The following ZP3 variants were observed in gnomAD, a reference collection of about 807,000 sequenced individuals.
ZP3 encodes the protein zona pellucida glycoprotein 3, also known as zona pellucida sperm-binding protein 3.
In ZP3, 21 loss-of-function variants were observed where a neutral mutation model predicts 35.6. The ratio of observed to expected loss-of-function variants is 0.59; its 90% CI spans 0.42 to 0.85. The LOEUF (loss-of-function observed/expected upper bound fraction) is 0.85. ZP3 is among the 40% of genes least tolerant of loss of function. The pLI, the probability that ZP3 is intolerant of heterozygous loss-of-function variation, is 0.00. For synonymous variants in ZP3, 207 were observed against 214.5 expected, an observed-to-expected ratio of 0.96 and a Z score of 0.31; for missense variants, 437 against 536.5, an observed-to-expected ratio of 0.81 and a Z score of 1.83.
At chr7:76,428,223 G>A (rs1043863908) in intron 1 of ZP3, among the ~76,000 whole-genome samples, 2 of 151,850 alleles carry the variant, frequency 1.3e-5, no homozygotes, top group Non-Finnish European at 2.9e-5. Context: ...CTCAGAGGCT[G>A]AAGCAGAGAA....
Position 76,414,398 on chromosome 7 carries a change from A to C in ZP3, c.-66-10654A>C, listed in dbSNP as rs117220358. 5.2e-3 allele frequency among the ~76,000 whole-genome samples: 795 copies of C among 152,226 alleles called. 6 individuals carry two copies. The highest frequency in any genetic ancestry group is 0.01 in the Middle Eastern group (3 of 292). ...ATTCTGACAAGTGGTTTTTCCTGAC[A>C]TGAGAAGCTGCAGGTGCCTAGGCGG... On this transcript the variant is annotated intron_variant, in intron 1 of 8. Transcript: ENST00000336517.
chr7:76,423,029 A>AGAGGGAGAGAGAGAGAGAGAGAGAGAGAG (rs767704641), upstream of ZP3, among the ~76,000 whole-genome samples: 1 of 55,534 alleles, frequency 1.8e-5, no homozygotes, highest in African/African-American at 7.2e-5. Flanking sequence ...GAGAGAGAGA[A>AGAGGGAGAGAGAGAGAGAGAGAGAGAGAG]AGAAAGAAAG....
At chr7:76,423,025 G>GAGAGAGAGAAAGAA (rs1278384225), upstream of ZP3, among the ~76,000 whole-genome samples, 712 of 75,700 alleles carry the variant, frequency 9.4e-3, 8 homozygotes, top group African/African-American at 0.013. Flanking sequence ...GAGAGAGAGA[G>GAGAGAGAGAAAGAA]AGAAAGAAAG....
At chr7:76,406,945 T>A (rs1805054163) in intron 1 of ZP3, among the ~76,000 whole-genome samples, 1 of 151,886 alleles carries the variant, frequency 6.6e-6, no homozygotes, top group Non-Finnish European at 1.5e-5. Context: ...ACATTTCTTC[T>A]GATTTAAATT....
intron 1 of ZP3, among the ~76,000 whole-genome samples, chr7:76,426,193 G>A (rs887198140): frequency 2.0e-5 from 3 of 152,130 alleles, no homozygotes; most frequent in Non-Finnish European, 4.4e-5. Context: ...CAGCTCCAAG[G>A]GGGAGAGGCT....
chr7:76,437,791 GC>G (rs1806069040), intron 5 of ZP3, among the ~76,000 whole-genome samples: 1 of 151,696 alleles, frequency 6.6e-6, no homozygotes, highest in Non-Finnish European at 1.5e-5. Flanking sequence ...GAGCCACCAC[GC>G]CCAGCCTAGA....
chr7:76,404,488 A>T (rs11773653), intron 1 of ZP3: 309,988 of 1,612,872 alleles, frequency 0.19, 31,980 homozygotes, highest in Middle Eastern at 0.24. Flanking sequence ...CGCCAGGGAG[A>T]AGTCACAGTT....
chr7:76,437,364 T>A (rs1806049599), intron 5 of ZP3, among the ~76,000 whole-genome samples: 1 of 152,222 alleles, frequency 6.6e-6, no homozygotes, highest in South Asian at 2.1e-4. Context: ...TTAGTAGAGA[T>A]GGGGTTTCAC....
At chr7:76,440,940 G>C (rs1417689537) in intron 7 of ZP3, among the ~76,000 whole-genome samples, 3 of 152,180 alleles carry the variant, frequency 2.0e-5, no homozygotes, top group Non-Finnish European at 4.4e-5. Context: ...GGGAGGCCAA[G>C]GCGGGCAGGT....
At chr7:76,405,071 A>G (rs1295016941) in intron 1 of ZP3, among the ~76,000 whole-genome samples, 3 of 151,182 alleles carry the variant, frequency 2.0e-5, no homozygotes, top group Admixed American at 6.6e-5. Context: ...CTCTGCCTCA[A>G]AAAGAAAAAA....
At chr7:76,441,253 G>A (rs1466335244) in intron 7 of ZP3, among the ~76,000 whole-genome samples, 1 of 151,208 alleles carries the variant, frequency 6.6e-6, no homozygotes, top group East Asian at 1.9e-4. Context: ...CAGGGAAATC[G>A]CTTGAGCCCC....
chr7:76,421,002 C>G (rs1805491406), upstream of ZP3, among the ~76,000 whole-genome samples: 2 of 151,270 alleles, frequency 1.3e-5, no homozygotes, highest in African/African-American at 4.9e-5. Context: ...GTGGCACAAT[C>G]TCAGCTCACT....
In ZP3 at chr7:76,412,962, C is replaced by CTTTTTTTTTTTTTTTTTTTTTTTT. The variant is rs201143080; in HGVS notation, c.-66-12088_-66-12087insTTTTTTTTTTTTTTTTTTTTTTTT. On this transcript the variant is annotated intron_variant, in intron 1 of 8. Coordinates refer to the ZP3 transcript ENST00000336517. Reference sequence around the variant, plus strand: ...CTTTCTTCTTTGTCTTCTTCTTCTTCTTCTTTTTTTTTTTTTTTGAGACGG... The same window carrying CTTTTTTTTTTTTTTTTTTTTTTTT: ...CTTTCTTCTTTGTCTTCTTCTTCTTCTTTTTTTTTTTTTTTTTTTTTTTTTTCTTTTTTTTTTTTTTTGAGACGG... Among the ~76,000 whole-genome samples the CTTTTTTTTTTTTTTTTTTTTTTTT allele has an allele frequency of 1.8e-5, 2 of 113,760 alleles. 1 individual carries two copies. Among genetic ancestry groups the CTTTTTTTTTTTTTTTTTTTTTTTT allele is most frequent in the African/African-American group, 7.3e-5 (2 of 27,356 alleles). The allele number at this position is 113,760 out of a possible 152,430, so 74.6% of individuals were successfully genotyped here.
chr7:76,418,697 A>G (rs111943022), intron 1 of ZP3, among the ~76,000 whole-genome samples: 8,260 of 151,992 alleles, frequency 0.054, 287 homozygotes, highest in East Asian at 0.14. Context: ...TCTACTAAAA[A>G]TACAAAAAAT....
chr7:76,404,343 G>C (rs200624400), intron 1 of ZP3: 2 of 1,612,340 alleles, frequency 1.2e-6, no homozygotes, highest in African/African-American at 2.7e-5. Flanking sequence ...AGGGCTTGGG[G>C]GAGGAAGGGA....
At chr7:76,422,149 G>A (rs7804934), upstream of ZP3, among the ~76,000 whole-genome samples, 1 of 151,382 alleles carries the variant, frequency 6.6e-6, no homozygotes, top group Non-Finnish European at 1.5e-5. Context: ...CGCCCACCTC[G>A]GCCTCCCAAA....
intron 1 of ZP3, among the ~76,000 whole-genome samples, chr7:76,426,513 T>G (rs944740862): frequency 1.4e-5 from 2 of 144,518 alleles, no homozygotes; most frequent in African/African-American, 4.9e-5. Context: ...TCTCCTGGGC[T>G]CTCTTTGAGG....
chr7:76,400,952 G>A, intron 1 of ZP3: 1 of 1,549,586 alleles, frequency 6.5e-7, no homozygotes, highest in Non-Finnish European at 8.7e-7. Flanking sequence ...CCCTGTCTGA[G>A]GCTGGAGTAC....
chr7:76,400,985 G>A, intron 1 of ZP3: 1 of 1,551,152 alleles, frequency 6.4e-7, no homozygotes, highest in South Asian at 1.2e-5. Flanking sequence ...TGAGGGTGAG[G>A]AAGGGCGGGG....
Sources: gnomAD v4.1 joint callset for allele counts (sites outside exome capture counted in the v4.1 genomes callset) on GRCh38, gnomAD v4.1.1 for gene constraint, MANE v1.5 for transcripts, NCBI Gene and HGNC (gene_info 2026-07-23, HGNC 2026-07-21) for gene names.